SLC10A7: variants seen among roughly 807,000 people sequenced by gnomAD.
SLC10A7 encodes the protein sodium/bile acid cotransporter 7.
A neutral mutation model predicts 43.2 loss-of-function variants in SLC10A7; 29 were observed. The ratio of observed to expected loss-of-function variants is 0.67; its 90% CI spans 0.50 to 0.92. The LOEUF (loss-of-function observed/expected upper bound fraction) is 0.92, where lower values mean the gene tolerates loss of function less well. SLC10A7 is among the 40% of genes least tolerant of loss of function. SLC10A7 has a pLI of 0.00. For missense variants in SLC10A7, 295 were observed against 403.2 expected (o/e 0.73, Z 2.30); for synonymous variants, 152 against 144.8 (o/e 1.05, Z -0.35).
intron 5 of SLC10A7, among the ~76,000 whole-genome samples, chr4:146,434,605 C>G (rs1730059762): frequency 6.6e-6 from 1 of 152,146 alleles, no homozygotes; most frequent in Non-Finnish European, 1.5e-5. Flanking sequence ...GCTCTGTCGC[C>G]CAGGCTGGAG....
chr4:146,404,980 G>A (rs1727560048), intron 5 of SLC10A7, among the ~76,000 whole-genome samples: 2 of 152,088 alleles, frequency 1.3e-5, no homozygotes, highest in South Asian at 4.2e-4. Context: ...GCAAAATTCT[G>A]TTACTAACGA....
chr4:146,307,108 A>G (rs1022356296), intron 6 of SLC10A7, among the ~76,000 whole-genome samples: 1 of 152,138 alleles, frequency 6.6e-6, no homozygotes, highest in Non-Finnish European at 1.5e-5. Flanking sequence ...GTTTTCACTG[A>G]TTTCTGCATG....
chr4:146,503,742 TAGG>T, intron 4 of SLC10A7, 104 bp downstream of exon 4: 1 of 947,260 alleles, frequency 1.1e-6, no homozygotes. Flanking sequence ...CTGCTATGGC[TAGG>T]AGTTTTCTGC....
chr4:146,499,958 A>G (rs1314042739), intron 4 of SLC10A7, among the ~76,000 whole-genome samples: 3 of 152,198 alleles, frequency 2.0e-5, no homozygotes, highest in Non-Finnish European at 4.4e-5. Flanking sequence ...AAGGTTTTTT[A>G]GTCTCTTAAA....
chr4:146,428,523 T>A (rs1729536086), intron 5 of SLC10A7, among the ~76,000 whole-genome samples: 1 of 151,644 alleles, frequency 6.6e-6, no homozygotes, highest in South Asian at 2.1e-4. Context: ...GTTCAAGTTA[T>A]CTGGTTTGTC....
At chr4:146,395,927 T>C (rs1433710479) in intron 5 of SLC10A7, among the ~76,000 whole-genome samples, 1 of 152,182 alleles carries the variant, frequency 6.6e-6, no homozygotes, top group African/African-American at 2.4e-5. Context: ...GATGTCCTCA[T>C]AAAAGTAAGC....
intron 6 of SLC10A7, among the ~76,000 whole-genome samples, chr4:146,323,853 T>C (rs1185993762): frequency 2.6e-5 from 4 of 152,104 alleles, no homozygotes; most frequent in Non-Finnish European, 4.4e-5. Flanking sequence ...AAATAAAGGG[T>C]ATTCAATTAG....
chr4:146,493,951 A>G (rs1314388681), intron 4 of SLC10A7, among the ~76,000 whole-genome samples: 1 of 152,234 alleles, frequency 6.6e-6, no homozygotes, highest in Admixed American at 6.5e-5. Flanking sequence ...CAAGCACTCG[A>G]CATACGTTTT....
chr4:146,431,602 G>C (rs1025301455), intron 5 of SLC10A7, among the ~76,000 whole-genome samples: 1 of 151,998 alleles, frequency 6.6e-6, no homozygotes, highest in Non-Finnish European at 1.5e-5. Context: ...CACACGAAAA[G>C]TAATGAACAC....
intron 5 of SLC10A7, among the ~76,000 whole-genome samples, chr4:146,430,182 T>G (rs987555458): frequency 2.0e-5 from 3 of 151,792 alleles, no homozygotes; most frequent in African/African-American, 7.3e-5. Context: ...GGATCAACAG[T>G]TAACATGGGA....
At chr4:146,283,527 A>G (rs1729683877) in intron 9 of SLC10A7, among the ~76,000 whole-genome samples, 1 of 152,102 alleles carries the variant, frequency 6.6e-6, no homozygotes, top group Non-Finnish European at 1.5e-5. Flanking sequence ...CAGCCCCTGG[A>G]GCAGGACTGA....
intron 5 of SLC10A7, among the ~76,000 whole-genome samples, chr4:146,359,521 T>C (rs1472027430): frequency 1.3e-5 from 2 of 152,158 alleles, no homozygotes; most frequent in Non-Finnish European, 2.9e-5. Flanking sequence ...TTTATTCTAA[T>C]ATTTTATCAA....
intron 5 of SLC10A7, among the ~76,000 whole-genome samples, chr4:146,329,638 T>C (rs984391354): frequency 2.6e-5 from 4 of 152,204 alleles, no homozygotes; most frequent in African/African-American, 9.7e-5. Flanking sequence ...GGTTGTATTT[T>C]AAGAGTAAAT....
At chr4:146,374,741 A>T (rs1579024963) in intron 5 of SLC10A7, among the ~76,000 whole-genome samples, 1 of 152,084 alleles carries the variant, frequency 6.6e-6, no homozygotes, top group Admixed American at 6.6e-5. Flanking sequence ...CTGTGCTAAC[A>T]TTACTTCAAT....
chr4:146,363,187 T>C lies in SLC10A7; in HGVS notation c.436-37191A>G, dbSNP rs1736167523. Among the ~76,000 whole-genome samples, 9 of 151,980 alleles carry C rather than the reference T, an allele frequency of 5.9e-5. No individual in the cohort carries two copies. In the South Asian group the frequency reaches 1.9e-3, roughly 31 times the overall value. The stretch of plus-strand genomic sequence containing the variant: ...GATGGAAAAAGATATTCTATGCAAA[T>C]GTAAATGAATAAAGAGCAGGAGTAA... On this transcript the variant is annotated intron_variant, in intron 5 of 11. Coordinates refer to ENST00000335472, the MANE Select transcript of SLC10A7 (RefSeq NM_001029998.6).
chr4:146,408,076 A>G (rs1012892741), intron 5 of SLC10A7, among the ~76,000 whole-genome samples: 4 of 152,172 alleles, frequency 2.6e-5, no homozygotes, highest in African/African-American at 7.2e-5. Context: ...ATGCAACATT[A>G]GGGAAAGTCA....
At chr4:146,273,660 A>G (rs1729032190) in intron 10 of SLC10A7, among the ~76,000 whole-genome samples, 1 of 152,110 alleles carries the variant, frequency 6.6e-6, no homozygotes, top group South Asian at 2.1e-4. Context: ...GCATTATGAA[A>G]TAGTATTATG....
intron 4 of SLC10A7, among the ~76,000 whole-genome samples, chr4:146,491,532 A>G (rs1450548504): frequency 6.6e-6 from 1 of 152,158 alleles, no homozygotes; most frequent in East Asian, 1.9e-4. Context: ...AAAGAAAAGG[A>G]AAAAGATGGA....
At position 146,288,715 on chromosome 4, in the gene SLC10A7, A is replaced by G. The variant is rs192684997; in HGVS notation, c.773+4214T>C. On this transcript the variant is annotated intron_variant, in intron 9 of 11. Coordinates refer to ENST00000335472, the MANE Select transcript of SLC10A7 (RefSeq NM_001029998.6). ...ACTAAAATTATTCTCACTGATTAACATCTCTATTGGGTCTGCTCACATTCT... is the reference window on the plus strand; with the variant it reads ...ACTAAAATTATTCTCACTGATTAACGTCTCTATTGGGTCTGCTCACATTCT... 9.8e-4 allele frequency among the ~76,000 whole-genome samples: 150 copies of G among 152,326 alleles called. 1 individual carries two copies. The highest frequency in any genetic ancestry group is 6.8e-3 in the Middle Eastern group (2 of 294).
Sources: gnomAD v4.1 joint callset for allele counts (sites outside exome capture counted in the v4.1 genomes callset) on GRCh38, gnomAD v4.1.1 for gene constraint, MANE v1.5 for transcripts, NCBI Gene and HGNC (gene_info 2026-07-23, HGNC 2026-07-21) for gene names.